The following ATP10B variants were observed in gnomAD, a reference collection of about 807,000 sequenced individuals.
ATP10B encodes ATPase phospholipid transporting 10B (putative).
A neutral mutation model predicts 141.2 loss-of-function variants in ATP10B; 122 were observed. That is an observed-to-expected ratio of 0.86 (90% CI 0.75 to 1.00). The LOEUF (loss-of-function observed/expected upper bound fraction) is 1.00, where lower values mean the gene tolerates loss of function less well. Among genes scored for constraint, ATP10B ranks in the 50% least tolerant of loss-of-function variants. ATP10B has a pLI of 0.00. For synonymous variants in ATP10B, 685 were observed against 692.0 expected (o/e 0.99, Z 0.16); for missense variants, 1,876 against 1,825.3 (o/e 1.03, Z -0.51).
At chr5:160,831,788 T>C (rs1323186492) in intron 1 of ATP10B, among the ~76,000 whole-genome samples, 1 of 152,146 alleles carries the variant, frequency 6.6e-6, no homozygotes, top group African/African-American at 2.4e-5. Flanking sequence ...CAAAATTGTT[T>C]ACAGTTCTAT....
intron 3 of ATP10B, among the ~76,000 whole-genome samples, chr5:160,716,540 CAG>C (rs560980453): frequency 6.6e-6 from 1 of 152,112 alleles, no homozygotes; most frequent in Non-Finnish European, 1.5e-5. Flanking sequence ...ATAAAACAAA[CAG>C]AATGCTAGGA....
intron 6 of ATP10B, among the ~76,000 whole-genome samples, chr5:160,680,691 C>T (rs1473314184): frequency 2.0e-5 from 3 of 152,178 alleles, no homozygotes; most frequent in East Asian, 1.9e-4. Flanking sequence ...TTTACATCTT[C>T]CTGGAATGGC....
upstream of ATP10B, among the ~76,000 whole-genome samples, chr5:160,855,288 G>A (rs190731804): frequency 3.5e-3 from 527 of 152,126 alleles, 2 homozygotes; most frequent in African/African-American, 0.011. Context: ...ATCCTCACCA[G>A]CATTTGGTGT....
At chr5:160,780,378 T>A (rs917041572) in intron 2 of ATP10B, among the ~76,000 whole-genome samples, 1 of 152,070 alleles carries the variant, frequency 6.6e-6, no homozygotes, top group African/African-American at 2.4e-5. Context: ...TTTTATACAA[T>A]AGCATCATTT....
chr5:160,573,709 C>T (rs1755016889), intron 24 of ATP10B, among the ~76,000 whole-genome samples: 2 of 152,172 alleles, frequency 1.3e-5, no homozygotes, highest in Non-Finnish European at 2.9e-5. Context: ...TCATTCCAAA[C>T]CACCTCCACC....
chr5:160,897,137 T>C, the ATP10B span, among the ~76,000 whole-genome samples: 5 of 152,102 alleles, frequency 3.3e-5, no homozygotes, highest in Non-Finnish European at 7.4e-5. Context: ...CAGTACAAGA[T>C]GATAATGCCC....
chr5:160,667,166 A>T (rs1762372164), intron 7 of ATP10B, among the ~76,000 whole-genome samples: 1 of 152,124 alleles, frequency 6.6e-6, no homozygotes, highest in Admixed American at 6.5e-5. Context: ...TGCAGTGAGC[A>T]GAGATCGTGC....
intron 17 of ATP10B, among the ~76,000 whole-genome samples, chr5:160,613,390 C>T (rs1757828662): frequency 6.6e-6 from 1 of 152,192 alleles, no homozygotes; most frequent in African/African-American, 2.4e-5. Context: ...CTTAGGGGTG[C>T]TGGACTGGGC....
chr5:160,742,046 C>G (rs1767516299), intron 2 of ATP10B, among the ~76,000 whole-genome samples: 1 of 152,168 alleles, frequency 6.6e-6, no homozygotes, highest in Non-Finnish European at 1.5e-5. Context: ...AGTTGTCACT[C>G]TCAGATCTAT....
intron 1 of ATP10B, among the ~76,000 whole-genome samples, chr5:160,835,958 A>C (rs1483519021): frequency 1.3e-5 from 2 of 152,116 alleles, no homozygotes; most frequent in Non-Finnish European, 2.9e-5. Flanking sequence ...TTGGGAGTGG[A>C]ATGAAAACCA....
intron 2 of ATP10B, among the ~76,000 whole-genome samples, chr5:160,756,402 G>A (rs1581472865): frequency 1.3e-5 from 2 of 152,234 alleles, no homozygotes; most frequent in South Asian, 4.1e-4. Flanking sequence ...GAGGGCAATG[G>A]CTTGGTTGAA....
intron 3 of ATP10B, among the ~76,000 whole-genome samples, chr5:160,696,000 CACAAATT>C (rs1302549292): frequency 1.3e-5 from 2 of 152,134 alleles, no homozygotes; most frequent in African/African-American, 4.8e-5. Context: ...ATCAGTTTTT[CACAAATT>C]ACAGTCATTC....
rs572227264 is a variant in ATP10B at position 160,693,028 on chromosome 5, G to A, written c.-204-4085C>T. 8 of 152,132 alleles carry A rather than the reference G, an allele frequency of 5.3e-5. 1 individual carries two copies. The South Asian group carries it at 1.5e-3, about 28-fold the overall frequency. The allele number at this position is 152,132 out of a possible 1,614,324, so 9.4% of individuals were successfully genotyped here. On this transcript the variant is annotated intron_variant, in intron 3 of 25. Coordinates refer to ENST00000327245, the MANE Select transcript of ATP10B (RefSeq NM_025153.3). ...ATTGAGAACATGAGTTACCTCTCTG[G>A]TAGAAACACTAAAAAACCTCAAATT...
Position 160,636,257 on chromosome 5 carries a change from T to C in ATP10B, c.1053A>G (p.Pro351=). 1 of 1,613,820 alleles carries C rather than the reference T, an allele frequency of 6.2e-7. No homozygotes were observed. Among genetic ancestry groups the C allele is most frequent in the African/African-American group, 1.3e-5 (1 of 75,072 alleles). ...TFEEHPPFDV[P]DANGSFLPSA... is the part of the protein sequence containing the mutation. ...TGGGAAGGAAGCTGCCATTGGCATCTGGCACATCGAAGGGAGGGTGTTCTT... is the reference window on the plus strand; with the variant it reads ...TGGGAAGGAAGCTGCCATTGGCATCCGGCACATCGAAGGGAGGGTGTTCTT... The change falls in exon 11 of 26, where the codon CCA becomes CCG. Residue 351 remains proline (P), a synonymous_variant. Coordinates refer to ENST00000327245, the MANE Select transcript of ATP10B (RefSeq NM_025153.3).
the ATP10B span, among the ~76,000 whole-genome samples, chr5:160,871,601 T>A: frequency 6.6e-6 from 1 of 152,182 alleles, no homozygotes; most frequent in Non-Finnish European, 1.5e-5. Flanking sequence ...CTCCCACATA[T>A]CAGTGAGAAC....
At chr5:160,764,498 T>C (rs1769264823) in intron 2 of ATP10B, among the ~76,000 whole-genome samples, 1 of 151,920 alleles carries the variant, frequency 6.6e-6, no homozygotes, top group African/African-American at 2.4e-5. Context: ...AAAAAGCACC[T>C]GAAAAAATCC....
chr5:160,621,632 A>G (rs1467709094), intron 14 of ATP10B, among the ~76,000 whole-genome samples: 1 of 152,250 alleles, frequency 6.6e-6, no homozygotes, highest in East Asian at 1.9e-4. Context: ...GAATCTGGGC[A>G]TAATGAAGGG....
chr5:160,904,097 G>T, the ATP10B span, among the ~76,000 whole-genome samples: 1,679 of 152,048 alleles, frequency 0.011, 35 homozygotes, highest in African/African-American at 0.039. Context: ...CCCTGGAAAA[G>T]CTCCCAGCAG....
At chr5:160,598,684 C>G in intron 22 of ATP10B, 86 bp downstream of exon 22, 6 of 1,251,246 alleles carry the variant, frequency 4.8e-6, no homozygotes, top group Non-Finnish European at 6.9e-6. Flanking sequence ...CCCCAGCATA[C>G]AGCTCTTTCT....
Sources: allele counts gnomAD v4.1 joint callset (sites outside exome capture counted in the v4.1 genomes callset), GRCh38; gene constraint gnomAD v4.1.1; transcripts MANE v1.5; gene names NCBI Gene and HGNC (gene_info 2026-07-23, HGNC 2026-07-21).